SIDT1: variants seen among roughly 807,000 people sequenced by gnomAD.
SIDT1 encodes SID1 transmembrane family member 1, also known as SID1 transmembrane family, member 1.
A neutral mutation model predicts 107.5 loss-of-function variants in SIDT1; 101 were observed. That is an observed-to-expected ratio of 0.94 (90% CI 0.80 to 1.11). SIDT1 has a LOEUF of 1.11. Among genes scored for constraint, SIDT1 ranks in the 50% least tolerant of loss-of-function variants. SIDT1 has a pLI of 0.00. For missense variants in SIDT1, 1,076 were observed against 1,058.2 expected (o/e 1.02, Z -0.23); for synonymous variants, 395 against 398.2 (o/e 0.99, Z 0.10).
At position 113,624,049 on chromosome 3, in the gene SIDT1, A is replaced by G. The variant is rs112652698; in HGVS notation, c.2307+316A>G. Among the ~76,000 whole-genome samples the G allele has an allele frequency of 2.8e-3, 429 of 152,314 alleles. 7 individuals are homozygous for G. Among genetic ancestry groups the G allele is most frequent in the African/African-American group, 9.8e-3 (408 of 41,574 alleles). On this transcript the variant is annotated intron_variant, in intron 23 of 24. Coordinates refer to ENST00000264852, the MANE Select transcript of SIDT1 (RefSeq NM_017699.3). ...AGTAGTTCATCTTCTCATCTTTCTC[A>G]TAATCTCCATCCATCAACAAATACC...
At chr3:113,626,073 T>G (rs374215928) in intron 23 of SIDT1, 29 bp from the exon 24 acceptor site, 1 of 1,460,182 alleles carries the variant, frequency 6.8e-7, no homozygotes, top group South Asian at 1.1e-5. Context: ...GTGGGAATCT[T>G]GCCCATGTCC....
chr3:113,576,729 G>A (rs909045119), intron 3 of SIDT1, among the ~76,000 whole-genome samples, 193 bp from the exon 4 acceptor site: 1 of 152,156 alleles, frequency 6.6e-6, no homozygotes, highest in South Asian at 2.1e-4. Context: ...GGTCATTCTT[G>A]AGAGTTGAAA....
chr3:113,611,055 T>C lies in SIDT1; in HGVS notation c.1768T>C (p.Tyr590His), dbSNP rs771140606. The C allele has an allele frequency of 6.2e-7, 1 of 1,614,156 alleles. No individual in the cohort carries two copies. Among genetic ancestry groups the C allele is most frequent in the Admixed American group, 1.7e-5 (1 of 60,008 alleles). The change falls in exon 18 of 25, where the codon TAT (tyrosine) becomes CAT (histidine). Residue 590 changes from tyrosine to histidine, a missense_variant. By Grantham distance (83) the Tyr-to-His change is moderately conservative (BLOSUM62 2). Transcript: ENST00000264852. Reference sequence around the variant, plus strand: ...CGCTGGCCTGTGCATGCTGAAGCTCTATCAGACCCGCCACCCAGACATCAA... The same window carrying C: ...CGCTGGCCTGTGCATGCTGAAGCTCCATCAGACCCGCCACCCAGACATCAA... Reference protein sequence around the residue: ...MIAGLCMLKLYQTRHPDINAS... With the variant: ...MIAGLCMLKLHQTRHPDINAS...
chr3:113,597,495 CAAAAAA>C (rs60934363), intron 10 of SIDT1, among the ~76,000 whole-genome samples: 25 of 109,524 alleles, frequency 2.3e-4, no homozygotes, highest in African/African-American at 8.5e-4. Context: ...GACTCCATCT[CAAAAAA>C]AAAAAAAAAA....
chr3:113,635,013 G>GT, the SIDT1 span, among the ~76,000 whole-genome samples: 1 of 152,150 alleles, frequency 6.6e-6, no homozygotes, highest in Admixed American at 6.5e-5. Flanking sequence ...GCTTGTAAAC[G>GT]TAAGAACCAA....
intron 3 of SIDT1, among the ~76,000 whole-genome samples, chr3:113,573,570 T>G (rs28446408): frequency 0.29 from 44,543 of 152,016 alleles, 7,281 homozygotes; most frequent in East Asian, 0.59. Context: ...CAATGTTTAC[T>G]TTCCCCAAAA....
At chr3:113,586,487 G>A (rs542666578) in intron 9 of SIDT1, among the ~76,000 whole-genome samples, 48 of 152,258 alleles carry the variant, frequency 3.2e-4, no homozygotes, top group African/African-American at 9.6e-4. Flanking sequence ...GCTGGAGTTG[G>A]AAAATCATCA....
intron 6 of SIDT1, among the ~76,000 whole-genome samples, chr3:113,582,349 A>G (rs1297891784): frequency 1.3e-5 from 2 of 152,208 alleles, no homozygotes; most frequent in South Asian, 2.1e-4. Context: ...TTACTGAATA[A>G]TAAGGCAAGA....
Position 113,608,599 on chromosome 3 carries a change from C to T in SIDT1, c.1720+63C>T, listed in dbSNP as rs72952638. 7.8e-4 allele frequency: 904 copies of T among 1,165,832 alleles called. 5 individuals are homozygous for T. The African/African-American group carries it at 0.012, about 16-fold the overall frequency. 72.2% of individuals were successfully genotyped at this position (1,165,832 alleles called of 1,614,324 possible). ...GTCAGTCTTATCCTGGAACCCTCCCCAAAAATGCCAAAGTCATGCTTGCAA... is the reference window on the plus strand; with the variant it reads ...GTCAGTCTTATCCTGGAACCCTCCCTAAAAATGCCAAAGTCATGCTTGCAA... On this transcript the variant is annotated intron_variant, in intron 17 of 24. Transcript: ENST00000264852.
chr3:113,605,531 C>A (rs374160329), intron 14 of SIDT1, among the ~76,000 whole-genome samples: 2 of 152,146 alleles, frequency 1.3e-5, no homozygotes, highest in African/African-American at 4.8e-5. Context: ...GAAAGTATTA[C>A]CCTGTGCTTA....
At chr3:113,619,637 G>T (rs1485402951) in intron 20 of SIDT1, 43 bp from the exon 21 acceptor site, 3 of 1,569,642 alleles carry the variant, frequency 1.9e-6, no homozygotes, top group East Asian at 2.2e-5. Context: ...AGAAAAGTAG[G>T]CTGTGCAGCC....
intron 9 of SIDT1, among the ~76,000 whole-genome samples, chr3:113,590,815 G>T (rs966571624): frequency 3.9e-5 from 6 of 152,166 alleles, no homozygotes; most frequent in Non-Finnish European, 8.8e-5. Context: ...AATTAAAGGA[G>T]ACTTAAATGA....
intron 1 of SIDT1, among the ~76,000 whole-genome samples, chr3:113,547,460 C>T (rs570157536): frequency 1.5e-3 from 225 of 152,162 alleles, no homozygotes; most frequent in Non-Finnish European, 2.3e-3. Flanking sequence ...TAATTCCTTA[C>T]TTTGAATTCT....
At chr3:113,585,372 T>C (rs1345770663) in intron 9 of SIDT1, 102 bp downstream of exon 9, 162 of 859,596 alleles carry the variant, frequency 1.9e-4, no homozygotes, top group African/African-American at 3.3e-5. Flanking sequence ...CAAATCTCCC[T>C]CAGCCACTAG....
At chr3:113,633,305 G>A (rs866806441), downstream of SIDT1, among the ~76,000 whole-genome samples, 3 of 152,106 alleles carry the variant, frequency 2.0e-5, no homozygotes, top group African/African-American at 4.8e-5. Flanking sequence ...GAAGAAATAG[G>A]CTTCTTGCTG....
intron 1 of SIDT1, among the ~76,000 whole-genome samples, chr3:113,537,925 G>A (rs1161258950): frequency 6.6e-6 from 1 of 152,132 alleles, no homozygotes; most frequent in African/African-American, 2.4e-5. Flanking sequence ...TGGGATTACA[G>A]GCATCCACTA....
chr3:113,541,944 G>A (rs1490462471), intron 1 of SIDT1, among the ~76,000 whole-genome samples: 1 of 124,902 alleles, frequency 8.0e-6, no homozygotes, highest in African/African-American at 3.1e-5. Context: ...TTTTTTTTTA[G>A]ATGGAGTCTT....
chr3:113,565,279 C>T (rs1010951710), intron 1 of SIDT1, among the ~76,000 whole-genome samples: 1 of 152,108 alleles, frequency 6.6e-6, no homozygotes, highest in East Asian at 1.9e-4. Context: ...CACCTGTAAT[C>T]CCAGCACTTT....
At position 113,566,424 on chromosome 3, in the gene SIDT1, C is replaced by T; in HGVS notation, c.227C>T (p.Thr76Ile). 6.2e-7 allele frequency: 1 copy of T among 1,613,598 alleles called. No individual in the cohort carries two copies. Among genetic ancestry groups the T allele is most frequent in the Non-Finnish European group, 8.5e-7 (1 of 1,179,774 alleles). The stretch of plus-strand genomic sequence containing the variant: ...TCTTTCTACCCTGCCATGCAGGTGA[C>T]AGCCGTGAGGGTGTATGTGAACAGT... ...FNYTSQPDQV[T>I]AVRVYVNSSS... Residue 76 changes from threonine to isoleucine, a missense_variant, in exon 2 of 25, where the codon ACA (threonine) becomes ATA (isoleucine). Coordinates refer to ENST00000264852, the MANE Select transcript of SIDT1 (RefSeq NM_017699.3).
Sources: gnomAD v4.1 joint callset for allele counts (sites outside exome capture counted in the v4.1 genomes callset) on GRCh38, gnomAD v4.1.1 for gene constraint, MANE v1.5 for transcripts, NCBI Gene and HGNC (gene_info 2026-07-23, HGNC 2026-07-21) for gene names.